P2RY2: variants seen among roughly 807,000 people sequenced by gnomAD.
P2RY2 encodes P2Y purinoceptor 2.
For synonymous variants in P2RY2, 241 were observed against 231.9 expected, an observed-to-expected ratio of 1.04 and a Z score of -0.35; for missense variants, 567 against 515.7, an observed-to-expected ratio of 1.10 and a Z score of -0.96.
At chr11:73,220,256 A>G (rs572141544) in intron 1 of P2RY2, among the ~76,000 whole-genome samples, 1 of 152,350 alleles carries the variant, frequency 6.6e-6, no homozygotes, top group East Asian at 1.9e-4. Context: ...TAGAGTGCCC[A>G]GGCTAAAGAC....
chr11:73,228,531 A>C (rs79264289), intron 2 of P2RY2, among the ~76,000 whole-genome samples: 1 of 152,168 alleles, frequency 6.6e-6, no homozygotes, highest in Non-Finnish European at 1.5e-5. Flanking sequence ...GATCAGACCT[A>C]TTGAGGTCCT....
Position 73,235,389 on chromosome 11 carries a change from A to G in P2RY2, c.*96A>G, listed in dbSNP as rs1862621300. On this transcript the variant is annotated 3_prime_UTR_variant, in exon 3 of 3. Transcript: ENST00000393597. ...ACAGTCTCCCCAGATATGGACCATC[A>G]GTGACTCATGCTGGATGACCCCATG... The G allele has an allele frequency of 2.0e-6, 3 of 1,491,972 alleles. No homozygotes were observed. Among genetic ancestry groups the G allele is most frequent in the African/African-American group, 1.4e-5 (1 of 71,252 alleles). The allele number at this position is 1,491,972 out of a possible 1,614,324, so 92.4% of individuals were successfully genotyped here. A position where few individuals can be genotyped will look rare whatever the true frequency, so the allele number is the denominator to read the frequency against.
At chr11:73,222,744 C>A (rs1325562996) in intron 1 of P2RY2, among the ~76,000 whole-genome samples, 1 of 152,142 alleles carries the variant, frequency 6.6e-6, no homozygotes, top group South Asian at 2.1e-4. Context: ...CTCAGATGAC[C>A]CCTCCTCTGC....
chr11:73,227,658 C>CAGA (rs1862317999), intron 1 of P2RY2, among the ~76,000 whole-genome samples: 1 of 152,144 alleles, frequency 6.6e-6, no homozygotes, highest in African/African-American at 2.4e-5. Context: ...GGCCAAAGCA[C>CAGA]AGAACCAGGA....
chr11:73,237,213 T>C lies in P2RY2; in HGVS notation c.*1920T>C, dbSNP rs1233302284. The C allele has an allele frequency of 1.5e-6, 1 of 662,130 alleles. No individual in the cohort carries two copies. The highest frequency in any genetic ancestry group is 2.0e-5 in the African/African-American group (1 of 50,946). The allele number at this position is 662,130 out of a possible 1,614,324, so 41.0% of individuals were successfully genotyped here. ...TATTCACCTCTCACCTTCTAGGTTC[T>C]ATACTTCTGTTAATGTAGCCGATGT... On this transcript the variant is annotated 3_prime_UTR_variant, in exon 3 of 3. Coordinates refer to ENST00000393597, the MANE Select transcript of P2RY2 (RefSeq NM_002564.4).
At chr11:73,222,962 C>A (rs561257298) in intron 1 of P2RY2, among the ~76,000 whole-genome samples, 2 of 152,208 alleles carry the variant, frequency 1.3e-5, no homozygotes, top group African/African-American at 4.8e-5. Context: ...AGGCCAGGTG[C>A]ACCAGAGCAT....
chr11:73,219,755 C>A (rs1193586831), intron 1 of P2RY2, among the ~76,000 whole-genome samples: 1 of 152,220 alleles, frequency 6.6e-6, no homozygotes, highest in East Asian at 1.9e-4. Flanking sequence ...TCATTTCTTG[C>A]CCCTGGCCTG....
rs373582414 is a variant in P2RY2, at chr11:73,240,694, A to G, written c.*5401A>G. On this transcript the variant is annotated 3_prime_UTR_variant, in exon 3 of 3. Coordinates refer to ENST00000393597, the MANE Select transcript of P2RY2 (RefSeq NM_002564.4). ...TGCTCCCACTGCCTCAGCCAACTTCATTAGCTCCAGTCTGTGGCTCCTGGA... is the reference window on the plus strand; with the variant it reads ...TGCTCCCACTGCCTCAGCCAACTTCGTTAGCTCCAGTCTGTGGCTCCTGGA... 6.6e-6 allele frequency: 1 copy of G among 152,316 alleles called. No individual in the cohort carries two copies. The highest frequency in any genetic ancestry group is 2.4e-5 in the African/African-American group (1 of 41,542). The allele number at this position is 152,316 out of a possible 1,614,324, so 9.4% of individuals were successfully genotyped here.
At position 73,237,540 on chromosome 11, in the gene P2RY2, A is replaced by G. The variant is rs1207102187; in HGVS notation, c.*2247A>G. Among the ~76,000 whole-genome samples, 2 of 152,032 alleles carry G rather than the reference A, an allele frequency of 1.3e-5. No individual in the cohort carries two copies. The highest frequency in any genetic ancestry group is 1.3e-4 in the Admixed American group (2 of 15,248). On this transcript the variant is annotated 3_prime_UTR_variant, in exon 3 of 3. Transcript: ENST00000393597. The stretch of plus-strand genomic sequence containing the variant: ...TGGGATTACAGGTATGAGCCACCGC[A>G]CCCGGCCCCTCTTGAGCTTTCTTAA...
In P2RY2 at chr11:73,235,552, A is replaced by T; in HGVS notation, c.*259A>T. The T allele has an allele frequency of 8.3e-7, 1 of 1,204,430 alleles. No homozygotes were observed. The highest frequency in any genetic ancestry group is 1.0e-6 in the Non-Finnish European group (1 of 961,246). The allele number at this position is 1,204,430 out of a possible 1,614,324, so 74.6% of individuals were successfully genotyped here. On this transcript the variant is annotated 3_prime_UTR_variant, in exon 3 of 3. Coordinates refer to ENST00000393597, the MANE Select transcript of P2RY2 (RefSeq NM_002564.4). ...AAGGCAAGAGCTCAAGGTCAATGACACCCCTGGCCTGACTCCCATGCAAGT... is the reference window on the plus strand; with the variant it reads ...AAGGCAAGAGCTCAAGGTCAATGACTCCCCTGGCCTGACTCCCATGCAAGT...
chr11:73,219,525 T>C (rs1862060250), intron 1 of P2RY2, among the ~76,000 whole-genome samples: 1 of 152,166 alleles, frequency 6.6e-6, no homozygotes, highest in Admixed American at 6.5e-5. Context: ...TGTCCCCCCA[T>C]GGGCAGGCTC....
intron 2 of P2RY2, among the ~76,000 whole-genome samples, chr11:73,231,697 G>C (rs1862464458): frequency 1.3e-5 from 2 of 152,154 alleles, no homozygotes; most frequent in East Asian, 3.8e-4. Context: ...GGGTCTATGG[G>C]AGTAGAGGTT....
chr11:73,221,067 A>G (rs915206163), intron 1 of P2RY2, among the ~76,000 whole-genome samples: 1 of 152,222 alleles, frequency 6.6e-6, no homozygotes. Flanking sequence ...GAAGAGCTTT[A>G]TAAGCCTTAA....
intron 2 of P2RY2, among the ~76,000 whole-genome samples, chr11:73,229,923 C>T (rs766939006): frequency 2.0e-5 from 3 of 151,922 alleles, no homozygotes; most frequent in Admixed American, 6.6e-5. Context: ...GAGGACCTCC[C>T]GGGGATATTT....
intron 1 of P2RY2, among the ~76,000 whole-genome samples, chr11:73,227,191 A>G (rs1376906849): frequency 6.6e-6 from 1 of 152,106 alleles, no homozygotes; most frequent in Non-Finnish European, 1.5e-5. Flanking sequence ...TAGTTTTCTT[A>G]TCTTGTGATA....
In P2RY2 at chr11:73,238,252, A is replaced by T. The variant is rs1862700939; in HGVS notation, c.*2959A>T. ...CCAGGGACAGGACAGGGATGGGAGG[A>T]AAGGGAGGGTAGAGAGTTGAGTGTC... is the stretch of plus-strand genomic sequence containing the variant. On this transcript the variant is annotated 3_prime_UTR_variant, in exon 3 of 3. Transcript: ENST00000393597. Among the ~76,000 whole-genome samples, 1 of 152,114 alleles carries T rather than the reference A, an allele frequency of 6.6e-6. No homozygotes were observed. Among genetic ancestry groups the T allele is most frequent in the Admixed American group, 6.6e-5 (1 of 15,266 alleles).
chr11:73,234,321 G>C lies in P2RY2; in HGVS notation c.162G>C (p.Ala54=), dbSNP rs144380076. Residue 54 remains alanine, a synonymous_variant, in exon 3 of 3, where the codon GCG becomes GCC. Coordinates refer to ENST00000393597, the MANE Select transcript of P2RY2 (RefSeq NM_002564.4). ...CVPGLCLNAV[A]LYIFLCRLKT... ...CTGGGCTGTGTCTGAACGCCGTGGCGCTCTACATCTTCTTGTGCCGCCTCA... is the reference window on the plus strand; with the variant it reads ...CTGGGCTGTGTCTGAACGCCGTGGCCCTCTACATCTTCTTGTGCCGCCTCA... The C allele has an allele frequency of 2.5e-6, 4 of 1,613,692 alleles. No individual in the cohort carries two copies. The African/African-American group carries it at 5.3e-5, about 22-fold the overall frequency.
intron 2 of P2RY2, among the ~76,000 whole-genome samples, chr11:73,229,716 C>T (rs773461605): frequency 3.7e-4 from 57 of 152,080 alleles, no homozygotes; most frequent in Non-Finnish European, 6.3e-4. Context: ...AGTCTCCACC[C>T]CTCATCTCAG....
chr11:73,224,627 TG>T (rs749524072), intron 1 of P2RY2, among the ~76,000 whole-genome samples: 81 of 152,284 alleles, frequency 5.3e-4, no homozygotes, highest in Non-Finnish European at 8.1e-4. Context: ...TTGTGAAGGG[TG>T]AGCGAGTGAA....
Sources: gnomAD v4.1 joint callset for allele counts (sites outside exome capture counted in the v4.1 genomes callset) on GRCh38, gnomAD v4.1.1 for gene constraint, MANE v1.5 for transcripts, NCBI Gene and HGNC (gene_info 2026-07-23, HGNC 2026-07-21) for gene names.